NLK: variants seen among roughly 807,000 people sequenced by gnomAD.
NLK encodes the protein nemo like kinase, also known as serine/threonine-protein kinase NLK.
A neutral mutation model predicts 59.0 loss-of-function variants in NLK; 11 were observed. That is an observed-to-expected ratio of 0.19 (90% CI 0.12 to 0.31). The LOEUF is 0.31. Ranked by LOEUF, NLK falls within the 10% of genes least tolerant of loss-of-function variation. The pLI is 1.00. For synonymous variants in NLK, 235 were observed against 235.9 expected (o/e 1.00, Z 0.03); for missense variants, 410 against 661.1 (o/e 0.62, Z 4.16).
downstream of NLK, among the ~76,000 whole-genome samples, chr17:28,200,080 T>A (rs1019660839): frequency 2.0e-5 from 3 of 152,220 alleles, no homozygotes; most frequent in African/African-American, 7.2e-5. Context: ...AGTATGTGAT[T>A]TGCAACTATT....
chr17:28,140,681 G>A (rs1314406005), intron 3 of NLK, among the ~76,000 whole-genome samples: 1 of 151,696 alleles, frequency 6.6e-6, no homozygotes, highest in East Asian at 1.9e-4. Context: ...ATGATAGACA[G>A]TTTTCAAATA....
intron 2 of NLK, among the ~76,000 whole-genome samples, chr17:28,127,415 A>G (rs527727546): frequency 1.3e-5 from 2 of 152,378 alleles, no homozygotes; most frequent in African/African-American, 4.8e-5. Flanking sequence ...ATCTTTTAAT[A>G]CAGACATGCT....
chr17:28,144,881 CCTG>C (rs1403156175), intron 3 of NLK, among the ~76,000 whole-genome samples: 1 of 152,134 alleles, frequency 6.6e-6, no homozygotes, highest in East Asian at 1.9e-4. Flanking sequence ...AGCTGAGTCT[CCTG>C]CTATCAACCC....
At chr17:28,088,686 T>C (rs546860411) in intron 1 of NLK, among the ~76,000 whole-genome samples, 26 of 152,338 alleles carry the variant, frequency 1.7e-4, no homozygotes, top group African/African-American at 6.0e-4. Context: ...GTCACTGGGC[T>C]CCTGAGTCCT....
chr17:28,162,619 A>G (rs1457125385), intron 4 of NLK, among the ~76,000 whole-genome samples: 1 of 152,190 alleles, frequency 6.6e-6, no homozygotes, highest in African/African-American at 2.4e-5. Flanking sequence ...CCTGGGCAAC[A>G]GAGTGAGACT....
chr17:28,114,909 T>TA (rs1905695492), intron 1 of NLK, among the ~76,000 whole-genome samples: 1 of 152,158 alleles, frequency 6.6e-6, no homozygotes, highest in African/African-American at 2.4e-5. Flanking sequence ...AGTTGTCAAG[T>TA]AGATAACTAA....
intron 5 of NLK, among the ~76,000 whole-genome samples, chr17:28,165,104 T>C (rs1289090010): frequency 6.6e-6 from 1 of 152,204 alleles, no homozygotes; most frequent in East Asian, 1.9e-4. Context: ...TATAGGTTAT[T>C]GAGTTTTTCC....
intron 1 of NLK, among the ~76,000 whole-genome samples, chr17:28,087,950 G>A (rs1005678383): frequency 2.6e-5 from 4 of 152,176 alleles, no homozygotes; most frequent in Admixed American, 1.3e-4. Flanking sequence ...AAGGAGGAAA[G>A]GCTAGAGAAA....
At chr17:28,094,873 T>C (rs1484479998) in intron 1 of NLK, among the ~76,000 whole-genome samples, 2 of 152,230 alleles carry the variant, frequency 1.3e-5, no homozygotes, top group African/African-American at 4.8e-5. Flanking sequence ...GACTCTTGTC[T>C]CCTTTCTCTG....
chr17:28,087,940 A>G (rs1003262771), intron 1 of NLK, among the ~76,000 whole-genome samples: 1 of 152,208 alleles, frequency 6.6e-6, no homozygotes, highest in African/African-American at 2.4e-5. Context: ...GAGGTCACCA[A>G]AGGAGGAAAG....
At chr17:28,200,778 G>A (rs1041080757), downstream of NLK, among the ~76,000 whole-genome samples, 2 of 152,088 alleles carry the variant, frequency 1.3e-5, no homozygotes, top group Admixed American at 6.5e-5. Context: ...CACCACGCCC[G>A]GCCAACTTTG....
chr17:28,136,603 T>C (rs1302984987), intron 3 of NLK, among the ~76,000 whole-genome samples: 1 of 152,050 alleles, frequency 6.6e-6, no homozygotes, highest in Non-Finnish European at 1.5e-5. Flanking sequence ...TCCATGTCCT[T>C]TGTTTTGTTT....
intron 1 of NLK, among the ~76,000 whole-genome samples, chr17:28,078,155 A>G (rs1910229399): frequency 6.6e-6 from 1 of 152,210 alleles, no homozygotes; most frequent in Non-Finnish European, 1.5e-5. Context: ...TTTTTCTCCC[A>G]GAAAACATAT....
intron 1 of NLK, among the ~76,000 whole-genome samples, chr17:28,095,820 C>T (rs184655388): frequency 6.6e-6 from 1 of 152,320 alleles, no homozygotes; most frequent in East Asian, 1.9e-4. Context: ...GGCATTCTGA[C>T]ACTCACTGTA....
At chr17:28,096,804 G>A (rs1253189244) in intron 1 of NLK, among the ~76,000 whole-genome samples, 1 of 152,188 alleles carries the variant, frequency 6.6e-6, no homozygotes, top group Non-Finnish European at 1.5e-5. Flanking sequence ...ACTGGTGTCA[G>A]AGAAACAGTT....
chr17:28,116,955 G>A (rs1905800849), intron 1 of NLK, among the ~76,000 whole-genome samples: 1 of 152,186 alleles, frequency 6.6e-6, no homozygotes. Context: ...TTGTGGATTT[G>A]CATAGAAACC....
intron 6 of NLK, among the ~76,000 whole-genome samples, chr17:28,170,543 G>A (rs972529232): frequency 8.5e-5 from 13 of 152,078 alleles, no homozygotes; most frequent in African/African-American, 3.1e-4. Context: ...AAAAAATTAT[G>A]TACATATAAT....
At chr17:28,070,494 C>T (rs2142756378) in intron 1 of NLK, among the ~76,000 whole-genome samples, 1 of 151,046 alleles carries the variant, frequency 6.6e-6, no homozygotes, top group Middle Eastern at 3.4e-3. Flanking sequence ...GCTGGGACTA[C>T]AGGCACACAC....
intron 1 of NLK, among the ~76,000 whole-genome samples, chr17:28,080,114 A>AT (rs1290824787): frequency 2.0e-5 from 3 of 152,056 alleles, no homozygotes; most frequent in Non-Finnish European, 2.9e-5. Flanking sequence ...TATGTGCAGT[A>AT]TTTTGTGCAT....
Sources: gnomAD v4.1 joint callset for allele counts (sites outside exome capture counted in the v4.1 genomes callset) on GRCh38, gnomAD v4.1.1 for gene constraint, MANE v1.5 for transcripts, NCBI Gene and HGNC (gene_info 2026-07-23, HGNC 2026-07-21) for gene names.